Variants in SLC44A5 observed in about 807,000 individuals in gnomAD.
SLC44A5 encodes the protein choline transporter-like protein 5.
SLC44A5 carries 57 observed loss-of-function variants against 101.8 expected under a neutral mutation model. That is an observed-to-expected ratio of 0.56 (90% CI 0.45 to 0.70). The LOEUF (loss-of-function observed/expected upper bound fraction) is 0.70, where lower values mean the gene tolerates loss of function less well. SLC44A5 is among the 30% of genes least tolerant of loss of function. SLC44A5 has a pLI of 0.00. For synonymous variants in SLC44A5, 281 were observed against 290.9 expected (o/e 0.97, Z 0.35); for missense variants, 737 against 853.1 (o/e 0.86, Z 1.70).
At chr1:75,675,022 G>A in the SLC44A5 span, among the ~76,000 whole-genome samples, 4 of 152,128 alleles carry the variant, frequency 2.6e-5, no homozygotes, top group African/African-American at 9.7e-5. Context: ...GAGCCTTGTG[G>A]TAGTTTGAAG....
chr1:75,383,487 G>C (rs927015422), intron 3 of SLC44A5, among the ~76,000 whole-genome samples: 1 of 152,098 alleles, frequency 6.6e-6, no homozygotes, highest in African/African-American at 2.4e-5. Flanking sequence ...GAAATGAAGC[G>C]AGAAGGGAAG....
At chr1:75,214,034 T>A in intron 20 of SLC44A5, 45 bp from the exon 21 acceptor site, 1 of 1,203,136 alleles carries the variant, frequency 8.3e-7, no homozygotes, top group Non-Finnish European at 1.2e-6. Context: ...GTTTAAAATA[T>A]ACTTGGTACT....
intron 9 of SLC44A5, among the ~76,000 whole-genome samples, chr1:75,240,686 A>C (rs1282780615): frequency 7.9e-5 from 12 of 152,098 alleles, no homozygotes; most frequent in Non-Finnish European, 1.8e-4. Context: ...TGATGGAAGT[A>C]TGTAAGACAT....
At chr1:75,600,191 G>A (rs1309406818) in intron 1 of SLC44A5, among the ~76,000 whole-genome samples, 2 of 152,090 alleles carry the variant, frequency 1.3e-5, no homozygotes, top group African/African-American at 4.8e-5. Context: ...AGCAGAGCCT[G>A]GAAAGAGGAT....
At chr1:75,383,588 C>A (rs1167997980) in intron 3 of SLC44A5, among the ~76,000 whole-genome samples, 4 of 152,048 alleles carry the variant, frequency 2.6e-5, no homozygotes, top group Admixed American at 6.6e-5. Context: ...GATTGGTGTA[C>A]CTGAAAGTGA....
At chr1:75,483,000 T>C (rs894050005) in intron 2 of SLC44A5, among the ~76,000 whole-genome samples, 1 of 152,240 alleles carries the variant, frequency 6.6e-6, no homozygotes, top group Non-Finnish European at 1.5e-5. Flanking sequence ...ATAACATTTA[T>C]GGTAAAAATA....
the SLC44A5 span, among the ~76,000 whole-genome samples, chr1:75,697,244 C>A: frequency 6.6e-6 from 1 of 152,060 alleles, no homozygotes; most frequent in African/African-American, 2.4e-5. Flanking sequence ...TCTGTCTTCA[C>A]AAAAATTGTT....
chr1:75,703,502 G>C, the SLC44A5 span, among the ~76,000 whole-genome samples: 2 of 151,872 alleles, frequency 1.3e-5, no homozygotes, highest in Non-Finnish European at 2.9e-5. Context: ...CGCACAGCGG[G>C]GCCTGTTGTG....
chr1:75,383,758 A>T (rs1456533198), intron 3 of SLC44A5, among the ~76,000 whole-genome samples: 2 of 152,140 alleles, frequency 1.3e-5, no homozygotes, highest in African/African-American at 2.4e-5. Context: ...TAATTGTCAG[A>T]TTCACCAAAG....
chr1:75,514,138 A>T lies in SLC44A5; in HGVS notation c.13+27297T>A, dbSNP rs140776182. The stretch of plus-strand genomic sequence containing the variant: ...GGCGTTACTGGAGTGGGCCATGAGC[A>T]CCCAGTCCCCTTGTCACTATTAATA... On this transcript the variant is annotated intron_variant, in intron 2 of 23. Coordinates refer to ENST00000370859, the MANE Select transcript of SLC44A5 (RefSeq NM_001130058.2). Among the ~76,000 whole-genome samples the T allele has an allele frequency of 1.9e-3, 286 of 152,304 alleles. 1 individual carries two copies. Among genetic ancestry groups the T allele is most frequent in the African/African-American group, 6.2e-3 (258 of 41,564 alleles).
Position 75,300,014 on chromosome 1 carries a change from C to CAAAAAAAAA in SLC44A5, c.175+589_175+597dup, listed in dbSNP as rs35608663. Reference sequence around the variant, plus strand: ...CTGGGAACACAGTGAGACTCTGTCTCAAAAAAAAAAAAAAAAAAAAAAAAA... The same window carrying CAAAAAAAAA: ...CTGGGAACACAGTGAGACTCTGTCTCAAAAAAAAAAAAAAAAAAAAAAAAAAAAAAAAAA... On this transcript the variant is annotated intron_variant, in intron 5 of 23. Transcript: ENST00000370859. Among the ~76,000 whole-genome samples the CAAAAAAAAA allele has an allele frequency of 1.7e-3, 163 of 93,748 alleles. 4 individuals are homozygous for CAAAAAAAAA. Among genetic ancestry groups the CAAAAAAAAA allele is most frequent in the African/African-American group, 8.6e-3 (159 of 18,520 alleles). 61.5% of individuals were successfully genotyped at this position (93,748 alleles called of 152,430 possible). A position where few individuals can be genotyped will look rare whatever the true frequency, so the allele number is the denominator to read the frequency against.
At chr1:75,647,580 A>G in the SLC44A5 span, among the ~76,000 whole-genome samples, 9 of 152,180 alleles carry the variant, frequency 5.9e-5, no homozygotes, top group Middle Eastern at 3.2e-3. Context: ...AAAACAGCCA[A>G]GAAGGGGGCT....
chr1:75,445,745 G>T (rs1405858335), intron 2 of SLC44A5, among the ~76,000 whole-genome samples: 1 of 151,814 alleles, frequency 6.6e-6, no homozygotes, highest in Admixed American at 6.6e-5. Flanking sequence ...TTCTTCCTCT[G>T]CCAGGAGCTC....
At chr1:75,417,288 G>T (rs1473165476) in intron 2 of SLC44A5, among the ~76,000 whole-genome samples, 2 of 152,172 alleles carry the variant, frequency 1.3e-5, no homozygotes, top group South Asian at 4.1e-4. Flanking sequence ...CTCTTTGCCT[G>T]CCACCATCCA....
intron 1 of SLC44A5, among the ~76,000 whole-genome samples, chr1:75,576,892 G>A (rs1673398805): frequency 6.6e-6 from 1 of 152,098 alleles, no homozygotes. Context: ...GACAATACTG[G>A]GAATTACCTC....
chr1:75,281,525 C>G (rs955093924), intron 5 of SLC44A5, among the ~76,000 whole-genome samples: 1 of 151,052 alleles, frequency 6.6e-6, no homozygotes, highest in African/African-American at 2.4e-5. Context: ...ATGTTAACCA[C>G]CAAGATAAAG....
intron 23 of SLC44A5, among the ~76,000 whole-genome samples, chr1:75,208,118 A>T (rs1319296105): frequency 6.6e-6 from 1 of 152,184 alleles, no homozygotes; most frequent in Non-Finnish European, 1.5e-5. Context: ...AAATAAACTT[A>T]TACTGAGGTT....
intron 2 of SLC44A5, among the ~76,000 whole-genome samples, chr1:75,509,801 C>A (rs1330935876): frequency 6.6e-6 from 1 of 152,046 alleles, no homozygotes; most frequent in Non-Finnish European, 1.5e-5. Context: ...ATAGGGCTTA[C>A]AATTAAAGTA....
intron 2 of SLC44A5, among the ~76,000 whole-genome samples, chr1:75,427,532 G>A (rs1664382222): frequency 6.6e-6 from 1 of 152,076 alleles, no homozygotes; most frequent in African/African-American, 2.4e-5. Context: ...AATTTTCCTA[G>A]AAAATGTGCC....
Sources: gnomAD v4.1 joint callset for allele counts (sites outside exome capture counted in the v4.1 genomes callset) on GRCh38, gnomAD v4.1.1 for gene constraint, MANE v1.5 for transcripts, NCBI Gene and HGNC (gene_info 2026-07-23, HGNC 2026-07-21) for gene names.